Variants in SEMA5A observed in about 807,000 individuals in gnomAD.
SEMA5A encodes the protein semaphorin-5A.
Under a neutral mutation model 135.5 loss-of-function variants are expected in SEMA5A, and 55 were observed. The observed-to-expected ratio is 0.41, with a 90% CI of 0.33 to 0.51. The LOEUF is 0.51. SEMA5A is among the 20% of genes least tolerant of loss of function. The pLI, the probability that SEMA5A is intolerant of heterozygous loss-of-function variation, is 0.37. For missense variants in SEMA5A, 1,290 were observed against 1,419.9 expected, an observed-to-expected ratio of 0.91 and a Z score of 1.47; for synonymous variants, 580 against 546.5, an observed-to-expected ratio of 1.06 and a Z score of -0.85.
chr5:9,197,785 T>TGTGTATGTGA (rs1561011433), intron 9 of SEMA5A, among the ~76,000 whole-genome samples: 1 of 117,864 alleles, frequency 8.5e-6, no homozygotes. Flanking sequence ...TGTGTGTGTG[T>TGTGTATGTGA]TTTAACCCAG....
intron 11 of SEMA5A, among the ~76,000 whole-genome samples, chr5:9,185,433 T>C (rs1003050897): frequency 6.6e-6 from 1 of 152,218 alleles, no homozygotes; most frequent in African/African-American, 2.4e-5. Context: ...ATTTTGCAAG[T>C]TTGAAATGAA....
intron 8 of SEMA5A, among the ~76,000 whole-genome samples, chr5:9,207,275 T>C (rs543241394): frequency 3.6e-4 from 54 of 152,008 alleles, no homozygotes; most frequent in Non-Finnish European, 7.1e-4. Flanking sequence ...AACCTCCGCC[T>C]CCCAGGTTCA....
At chr5:9,170,235 G>A (rs112780061) in intron 11 of SEMA5A, among the ~76,000 whole-genome samples, 2,865 of 152,182 alleles carry the variant, frequency 0.019, 87 homozygotes, top group African/African-American at 0.065. Context: ...ATGAACATGG[G>A]TGACTCATTT....
chr5:9,197,780 G>GTGTGTGTGTGTGTGTGTGTGTGTGTGTA lies in SEMA5A; in HGVS notation c.933-478_933-477insTACACACACACACACACACACACACACA, dbSNP rs1402121195. On this transcript the variant is annotated intron_variant, in intron 9 of 22. Coordinates refer to ENST00000382496, the MANE Select transcript of SEMA5A (RefSeq NM_003966.3). Reference sequence around the variant, plus strand: ...TGTGTGTGTGTGTGTGTGTGTGTGTGTGTGTTTTAACCCAGATATTTGTTT... The same window carrying GTGTGTGTGTGTGTGTGTGTGTGTGTGTA: ...TGTGTGTGTGTGTGTGTGTGTGTGTGTGTGTGTGTGTGTGTGTGTGTGTGTGTATGTGTTTTAACCCAGATATTTGTTT... 2.2e-3 allele frequency among the ~76,000 whole-genome samples: 224 copies of GTGTGTGTGTGTGTGTGTGTGTGTGTGTA among 104,014 alleles called. 22 individuals are homozygous for GTGTGTGTGTGTGTGTGTGTGTGTGTGTA. Among genetic ancestry groups the GTGTGTGTGTGTGTGTGTGTGTGTGTGTA allele is most frequent in the Middle Eastern group, 4.6e-3 (1 of 216 alleles). 68.2% of individuals were successfully genotyped at this position (104,014 alleles called of 152,430 possible).
chr5:9,400,254 A>G (rs1477456535), intron 2 of SEMA5A, among the ~76,000 whole-genome samples: 1 of 152,206 alleles, frequency 6.6e-6, no homozygotes. Context: ...GCAGCAAACC[A>G]CCACAGCATA....
intron 22 of SEMA5A, among the ~76,000 whole-genome samples, chr5:9,044,079 T>G (rs1163865132): frequency 6.6e-6 from 1 of 152,168 alleles, no homozygotes; most frequent in African/African-American, 2.4e-5. Flanking sequence ...GCTCATGGCT[T>G]GTGGATCTTG....
At chr5:9,300,584 A>G (rs1182131114) in intron 5 of SEMA5A, among the ~76,000 whole-genome samples, 1 of 152,150 alleles carries the variant, frequency 6.6e-6, no homozygotes, top group Non-Finnish European at 1.5e-5. Context: ...CCTGAATACT[A>G]CCTGAATTGG....
At chr5:9,054,002 G>A (rs1736744296) in intron 19 of SEMA5A, 85 bp downstream of exon 19, 19 of 1,450,406 alleles carry the variant, frequency 1.3e-5, no homozygotes, top group Non-Finnish European at 1.8e-5. Flanking sequence ...TTACCATGAT[G>A]CAGTATCATC....
chr5:9,347,687 C>A (rs1006511773), intron 3 of SEMA5A, among the ~76,000 whole-genome samples: 1 of 152,154 alleles, frequency 6.6e-6, no homozygotes, highest in African/African-American at 2.4e-5. Context: ...GGAGCAGGGA[C>A]CTGCATGGAG....
intron 6 of SEMA5A, 72 bp downstream of exon 6, chr5:9,237,756 A>G: frequency 1.5e-6 from 2 of 1,369,560 alleles, no homozygotes; most frequent in Non-Finnish European, 2.1e-6. Flanking sequence ...TACTCTTCAT[A>G]TCAACATGCT....
chr5:9,044,855 G>A (rs1219024553), intron 21 of SEMA5A, among the ~76,000 whole-genome samples: 1 of 152,100 alleles, frequency 6.6e-6, no homozygotes, highest in East Asian at 1.9e-4. Flanking sequence ...CATGATCTCA[G>A]CTCAACACAA....
At chr5:9,388,624 G>A (rs762773285) in intron 2 of SEMA5A, among the ~76,000 whole-genome samples, 4 of 152,190 alleles carry the variant, frequency 2.6e-5, no homozygotes, top group South Asian at 2.1e-4. Flanking sequence ...TATAGGCCGC[G>A]CGTGGTGGCT....
rs1346904638 is a variant in SEMA5A at position 9,443,190 on chromosome 5, T to C, written c.-174-5338A>G. The stretch of plus-strand genomic sequence containing the variant: ...GGAATGTGCTTGGATAAATCGACAG[T>C]GGACATTTAGGATAATAATGTCCCT... On this transcript the variant is annotated intron_variant, in intron 1 of 22. Transcript: ENST00000382496. Among the ~76,000 whole-genome samples, 3 of 152,184 alleles carry C rather than the reference T, an allele frequency of 2.0e-5. No homozygotes were observed. The East Asian group carries it at 5.8e-4, about 29-fold the overall frequency.
At chr5:9,292,866 T>C (rs1259576359) in intron 5 of SEMA5A, among the ~76,000 whole-genome samples, 3 of 152,206 alleles carry the variant, frequency 2.0e-5, no homozygotes, top group African/African-American at 7.2e-5. Flanking sequence ...GGTGTGCTAC[T>C]GGCATCTAGG....
intron 2 of SEMA5A, among the ~76,000 whole-genome samples, chr5:9,385,201 C>G (rs1171365392): frequency 6.6e-6 from 1 of 152,166 alleles, no homozygotes; most frequent in Admixed American, 6.5e-5. Flanking sequence ...ATAAGTACAA[C>G]TCTGTATAGA....
intron 11 of SEMA5A, among the ~76,000 whole-genome samples, chr5:9,172,258 T>C (rs1007723548): frequency 1.3e-5 from 2 of 152,236 alleles, no homozygotes; most frequent in African/African-American, 2.4e-5. Flanking sequence ...CAACACCGTG[T>C]AATCAATATG....
At chr5:9,316,259 C>T (rs1752384345) in intron 5 of SEMA5A, among the ~76,000 whole-genome samples, 1 of 152,170 alleles carries the variant, frequency 6.6e-6, no homozygotes, top group Non-Finnish European at 1.5e-5. Context: ...TCTGAAACAA[C>T]AAGCTCTTCC....
At chr5:9,123,294 A>AAAAAT (rs1740924968) in intron 13 of SEMA5A, among the ~76,000 whole-genome samples, 5 of 142,628 alleles carry the variant, frequency 3.5e-5, no homozygotes, top group Non-Finnish European at 6.0e-5. Context: ...AAAAAAAAAA[A>AAAAAT]GATTGCATAA....
chr5:9,196,621 G>T, intron 10 of SEMA5A, among the ~76,000 whole-genome samples: 1 of 152,146 alleles, frequency 6.6e-6, no homozygotes, highest in East Asian at 1.9e-4. Flanking sequence ...CTGGGAGATG[G>T]ATGACTCACA....
Sources: allele counts gnomAD v4.1 joint callset (sites outside exome capture counted in the v4.1 genomes callset), GRCh38; gene constraint gnomAD v4.1.1; transcripts MANE v1.5; gene names NCBI Gene and HGNC (gene_info 2026-07-23, HGNC 2026-07-21).